The following FABP6 variants were observed in gnomAD, a reference collection of about 807,000 sequenced individuals.
FABP6 encodes the protein gastrotropin.
FABP6 carries 13 observed loss-of-function variants against 14.9 expected under a neutral mutation model. That is an observed-to-expected ratio of 0.87 (90% confidence interval 0.57 to 1.39). The LOEUF is 1.39. Among genes scored for constraint, FABP6 ranks in the 40% most tolerant of loss-of-function variants. The pLI is 0.00. For missense variants in FABP6, 161 were observed against 167.2 expected, an observed-to-expected ratio of 0.96 and a Z score of 0.20; for synonymous variants, 75 against 63.6, an observed-to-expected ratio of 1.18 and a Z score of -0.85.
intron 3 of FABP6, among the ~76,000 whole-genome samples, chr5:160,224,247 A>G (rs1439008793): frequency 6.6e-6 from 1 of 151,938 alleles, no homozygotes; most frequent in Non-Finnish European, 1.5e-5. Flanking sequence ...AAAATAAATA[A>G]ATAAATAAAA....
At position 160,213,764 on chromosome 5, in the gene FABP6, CA is replaced by C. The variant is rs1364464532; in HGVS notation, c.81del (p.Trp28GlyfsTer2). On this transcript the variant is annotated frameshift_variant, in exon 3 of 7. Transcript: ENST00000393980. LOFTEE classifies it high-confidence loss of function. ...CTGAGAGCTGTGTTGTCTGCGTGCA[CA>C]TGGGTGAGCCGGAAAGGAGACCTGC... The C allele has an allele frequency of 6.2e-7, 1 of 1,613,688 alleles. No homozygotes were observed. Among genetic ancestry groups the C allele is most frequent in the Non-Finnish European group, 8.5e-7 (1 of 1,179,854 alleles).
chr5:160,213,837 G>T, intron 3 of FABP6: 1 of 1,603,168 alleles, frequency 6.2e-7, no homozygotes, highest in Non-Finnish European at 8.5e-7. Context: ...GTAGAAGAAG[G>T]GAGGGAAGGG....
chr5:160,208,439 T>TA (rs1000270172), intron 2 of FABP6, among the ~76,000 whole-genome samples: 20 of 151,314 alleles, frequency 1.3e-4, no homozygotes, highest in African/African-American at 4.6e-4. Context: ...TGCTGTCTCT[T>TA]AAAAAAAAAG....
At chr5:160,217,998 G>A (rs1052831853) in intron 3 of FABP6, among the ~76,000 whole-genome samples, 2 of 152,042 alleles carry the variant, frequency 1.3e-5, no homozygotes, top group South Asian at 2.1e-4. Context: ...TAGTGCAGTG[G>A]CACAAACATA....
chr5:160,216,270 ATTT>A (rs59582403), intron 3 of FABP6, among the ~76,000 whole-genome samples: 1 of 144,412 alleles, frequency 6.9e-6, no homozygotes. Context: ...TCTCATTGTA[ATTT>A]TTTTTTTTTT....
intron 3 of FABP6, among the ~76,000 whole-genome samples, chr5:160,222,155 C>A (rs1183813044): frequency 2.8e-5 from 4 of 141,736 alleles, no homozygotes; most frequent in Non-Finnish European, 6.0e-5. Context: ...TGCAGTATTG[C>A]AATCATAGCT....
upstream of FABP6, among the ~76,000 whole-genome samples, chr5:160,225,239 G>T (rs1422782955): frequency 6.6e-6 from 1 of 150,564 alleles, no homozygotes; most frequent in African/African-American, 2.4e-5. Flanking sequence ...TGGGACTACA[G>T]GTGCCCACCA....
intron 2 of FABP6, among the ~76,000 whole-genome samples, chr5:160,209,649 C>A (rs1308041157): frequency 6.6e-6 from 1 of 152,198 alleles, no homozygotes; most frequent in Non-Finnish European, 1.5e-5. Context: ...ACCAGTTGTG[C>A]CCCCTAGACC....
chr5:160,205,818 T>C (rs879872428), intron 2 of FABP6, among the ~76,000 whole-genome samples: 2 of 152,054 alleles, frequency 1.3e-5, no homozygotes, highest in Admixed American at 1.3e-4. Flanking sequence ...TTAAGCAGAG[T>C]GGAGAAGTGG....
intron 3 of FABP6, among the ~76,000 whole-genome samples, chr5:160,237,883 C>G (rs1760551248): frequency 6.6e-6 from 1 of 152,196 alleles, no homozygotes; most frequent in Non-Finnish European, 1.5e-5. Context: ...TCCAATTCTT[C>G]AGGATTCTGT....
chr5:160,206,966 A>T (rs4921117), intron 2 of FABP6, among the ~76,000 whole-genome samples: 124,465 of 152,266 alleles, frequency 0.82, 51,301 homozygotes, highest in Non-Finnish European at 0.85. Context: ...TCCATACAGA[A>T]GAAAAACCTA....
chr5:160,225,941 A>T (rs1205164542), upstream of FABP6, among the ~76,000 whole-genome samples: 1 of 152,124 alleles, frequency 6.6e-6, no homozygotes, highest in East Asian at 1.9e-4. Context: ...TGGGAGGCCG[A>T]GGCGAGTGGA....
At chr5:160,233,286 G>A (rs374749322) in intron 2 of FABP6, among the ~76,000 whole-genome samples, 6 of 152,002 alleles carry the variant, frequency 3.9e-5, no homozygotes, top group African/African-American at 1.4e-4. Flanking sequence ...AGCCATAAGT[G>A]CTTTTTTTAT....
At chr5:160,236,364 T>C (rs1235054642) in intron 3 of FABP6, among the ~76,000 whole-genome samples, 1 of 152,102 alleles carries the variant, frequency 6.6e-6, no homozygotes, top group Non-Finnish European at 1.5e-5. Context: ...GACTCCACTC[T>C]CATAACTTAA....
chr5:160,218,328 C>T (rs1168506050), intron 3 of FABP6, among the ~76,000 whole-genome samples: 1 of 152,090 alleles, frequency 6.6e-6, no homozygotes, highest in Non-Finnish European at 1.5e-5. Context: ...ATAAGGTGCC[C>T]AAGGCCACAG....
chr5:160,206,298 C>G (rs1023483024), intron 2 of FABP6, among the ~76,000 whole-genome samples: 1 of 151,978 alleles, frequency 6.6e-6, no homozygotes, highest in Non-Finnish European at 1.5e-5. Context: ...GGGCATGATG[C>G]GTGCCTGTAA....
upstream of FABP6, among the ~76,000 whole-genome samples, chr5:160,227,246 C>T (rs1760267543): frequency 6.6e-6 from 1 of 151,960 alleles, no homozygotes; most frequent in African/African-American, 2.4e-5. Context: ...ATTTAAAAGC[C>T]TAAAAGGGCT....
upstream of FABP6, among the ~76,000 whole-genome samples, chr5:160,224,681 G>T (rs1251555438): frequency 6.6e-6 from 1 of 152,014 alleles, no homozygotes; most frequent in Non-Finnish European, 1.5e-5. Flanking sequence ...ATAATCCCAG[G>T]ACTATGAAAG....
Position 160,234,910 on chromosome 5 carries a change from G to A in FABP6, c.333+1G>A, listed in dbSNP as rs1189468590. 2.5e-6 allele frequency: 4 copies of A among 1,609,884 alleles called. No individual in the cohort carries two copies. Among genetic ancestry groups the A allele is most frequent in the East Asian group, 2.2e-5 (1 of 44,738 alleles). ...GATCGTGGGTGACAAGCTGGTGGAG[G>A]TGAGTGTCATGCTGATTCCTGGGAT... On this transcript the variant is annotated splice_donor_variant, in intron 3 of 3. Transcript: ENST00000402432. LOFTEE classifies it high-confidence loss of function.
Sources: gnomAD v4.1 joint callset for allele counts (sites outside exome capture counted in the v4.1 genomes callset) on GRCh38, gnomAD v4.1.1 for gene constraint, MANE v1.5 for transcripts, NCBI Gene and HGNC (gene_info 2026-07-23, HGNC 2026-07-21) for gene names.